LDLRAD4: variants seen among roughly 807,000 people sequenced by gnomAD.
The protein encoded by LDLRAD4 is low density lipoprotein receptor class A domain containing 4, also known as low-density lipoprotein receptor class A domain-containing protein 4.
LDLRAD4 carries 5 observed loss-of-function variants against 17.0 expected under a neutral mutation model. The ratio of observed to expected loss-of-function variants is 0.29; its 90% CI spans 0.15 to 0.62. The LOEUF is 0.62. LDLRAD4 is among the 20% of genes least tolerant of loss of function. The pLI, the probability that LDLRAD4 is intolerant of heterozygous loss-of-function variation, is 0.84. For missense variants in LDLRAD4, 340 were observed against 424.7 expected, an observed-to-expected ratio of 0.80 and a Z score of 1.75; for synonymous variants, 168 against 171.8, an observed-to-expected ratio of 0.98 and a Z score of 0.17.
At chr18:13,258,085 A>C (rs572545717) in intron 1 of LDLRAD4, among the ~76,000 whole-genome samples, 61 of 152,368 alleles carry the variant, frequency 4.0e-4, no homozygotes, top group Non-Finnish European at 8.5e-4. Flanking sequence ...TACAATGGCC[A>C]GATAGTGGTT....
intron 2 of LDLRAD4, among the ~76,000 whole-genome samples, chr18:13,396,432 C>T (rs1032103512): frequency 1.3e-5 from 2 of 152,236 alleles, no homozygotes; most frequent in African/African-American, 4.8e-5. Flanking sequence ...TATGATACCA[C>T]ATACAATATA....
intron 1 of LDLRAD4, among the ~76,000 whole-genome samples, chr18:13,322,211 C>A (rs1488940286): frequency 6.7e-6 from 1 of 149,968 alleles, no homozygotes; most frequent in Admixed American, 6.6e-5. Flanking sequence ...TATGTAAGGA[C>A]TTTTACTTCA....
rs535866431 is a variant in LDLRAD4, at chr18:13,286,629, T to C, written c.-383+8441T>C. On this transcript the variant is annotated intron_variant, in intron 1 of 5. Transcript: ENST00000359446. ...GCCATGAGGTTTTGAATGCTCTGCA[T>C]AGATTATCCCATACGATGTGGGAAC... Among the ~76,000 whole-genome samples, 82 of 152,332 alleles carry C rather than the reference T, an allele frequency of 5.4e-4. 1 individual carries two copies. The highest frequency in any genetic ancestry group is 1.8e-3 in the African/African-American group (73 of 41,576).
chr18:13,356,280 G>A (rs183583835), intron 1 of LDLRAD4, among the ~76,000 whole-genome samples: 15 of 152,376 alleles, frequency 9.8e-5, no homozygotes, highest in African/African-American at 3.1e-4. Context: ...CTCCTTGGAA[G>A]GGTGGCTGTG....
intron 3 of LDLRAD4, among the ~76,000 whole-genome samples, chr18:13,550,848 G>A (rs1443518722): frequency 6.6e-6 from 1 of 152,102 alleles, no homozygotes; most frequent in Admixed American, 6.5e-5. Flanking sequence ...CGAGCAGGCA[G>A]GGCCGACTTC....
intron 1 of LDLRAD4, among the ~76,000 whole-genome samples, chr18:13,244,444 A>G (rs988634840): frequency 4.6e-5 from 7 of 152,030 alleles, no homozygotes; most frequent in Non-Finnish European, 7.4e-5. Context: ...TCCACCATCA[A>G]CCTTCCTATT....
chr18:13,579,667 C>G (rs1028443473), intron 3 of LDLRAD4, among the ~76,000 whole-genome samples: 1 of 152,210 alleles, frequency 6.6e-6, no homozygotes, highest in Non-Finnish European at 1.5e-5. Context: ...GCTTCCCAGG[C>G]AAAGTCACCA....
chr18:13,421,208 C>G lies in LDLRAD4; in HGVS notation c.41-17036C>G, dbSNP rs533830842. On this transcript the variant is annotated intron_variant, in intron 2 of 5. Coordinates refer to ENST00000359446, the Ensembl canonical transcript of LDLRAD4. ...GTGTCCATGGGCGCTTGGTTCTGGG[C>G]CTGTGTGGGAATAGTTTTGTATAGT... 4.6e-5 allele frequency: 7 copies of G among 152,582 alleles called. No homozygotes were observed. The South Asian group carries it at 1.2e-3, about 27-fold the overall frequency. The allele number at this position is 152,582 out of a possible 1,614,324, so 9.5% of individuals were successfully genotyped here. A position where few individuals can be genotyped will look rare whatever the true frequency, so the allele number is the denominator to read the frequency against.
chr18:13,380,911 C>T (rs73953226), intron 1 of LDLRAD4, among the ~76,000 whole-genome samples: 3,732 of 152,032 alleles, frequency 0.025, 109 homozygotes, highest in African/African-American at 0.068. Flanking sequence ...GTTATTTTGC[C>T]CCCCCACATC....
intron 3 of LDLRAD4, among the ~76,000 whole-genome samples, chr18:13,586,500 C>T (rs188509998): frequency 6.6e-6 from 1 of 151,604 alleles, no homozygotes; most frequent in East Asian, 1.9e-4. Context: ...CAAGTGAAGT[C>T]AGATTATGAC....
At chr18:13,563,500 C>T (rs563370697) in intron 3 of LDLRAD4, among the ~76,000 whole-genome samples, 6 of 152,304 alleles carry the variant, frequency 3.9e-5, no homozygotes, top group African/African-American at 1.4e-4. Context: ...GGGGGATAGT[C>T]TTCATTTGCG....
intron 1 of LDLRAD4, among the ~76,000 whole-genome samples, chr18:13,283,494 C>T (rs2045412889): frequency 6.6e-6 from 1 of 152,210 alleles, no homozygotes; most frequent in African/African-American, 2.4e-5. Flanking sequence ...AGTCTCTTTG[C>T]TAAAACATAG....
At chr18:13,523,255 G>A (rs529563980) in intron 3 of LDLRAD4, among the ~76,000 whole-genome samples, 79 of 152,306 alleles carry the variant, frequency 5.2e-4, no homozygotes, top group African/African-American at 1.8e-3. Context: ...TGACATCCCC[G>A]ATCAATTCAT....
chr18:13,585,177 A>AGCACCCAGACAGCC (rs2094917622), intron 3 of LDLRAD4, among the ~76,000 whole-genome samples: 1 of 152,230 alleles, frequency 6.6e-6, no homozygotes, highest in East Asian at 1.9e-4. Context: ...AGTAGCTCAT[A>AGCACCCAGACAGCC]TCTACCTGTC....
intron 1 of LDLRAD4, among the ~76,000 whole-genome samples, chr18:13,333,439 A>G (rs137942146): frequency 6.0e-4 from 92 of 152,280 alleles, no homozygotes; most frequent in African/African-American, 2.1e-3. Flanking sequence ...GTTATCAATT[A>G]TTTCTTTTAT....
At chr18:13,269,754 T>C (rs540583430) in intron 1 of LDLRAD4, among the ~76,000 whole-genome samples, 1 of 152,324 alleles carries the variant, frequency 6.6e-6, no homozygotes, top group East Asian at 1.9e-4. Context: ...GAATGGTTCA[T>C]AGGTTTCTGC....
At chr18:13,602,378 T>G (rs558261813) in intron 3 of LDLRAD4, among the ~76,000 whole-genome samples, 1 of 152,268 alleles carries the variant, frequency 6.6e-6, no homozygotes, top group East Asian at 1.9e-4. Flanking sequence ...ACCCAGGATA[T>G]CTGACTGCAA....
intron 1 of LDLRAD4, among the ~76,000 whole-genome samples, chr18:13,317,152 A>G (rs1170188393): frequency 6.6e-6 from 1 of 152,256 alleles, no homozygotes; most frequent in Non-Finnish European, 1.5e-5. Context: ...AGCATCGGGC[A>G]TTGCCAAAGA....
intron 3 of LDLRAD4, among the ~76,000 whole-genome samples, chr18:13,503,034 G>A (rs2093636881): frequency 6.6e-6 from 1 of 152,218 alleles, no homozygotes; most frequent in South Asian, 2.1e-4. Flanking sequence ...AACCTGAGAG[G>A]CTGATGGTAT....
Sources: allele counts gnomAD v4.1 joint callset (sites outside exome capture counted in the v4.1 genomes callset), GRCh38; gene constraint gnomAD v4.1.1; transcripts MANE v1.5; gene names NCBI Gene and HGNC (gene_info 2026-07-23, HGNC 2026-07-21).